TSPAN9: variants seen among roughly 807,000 people sequenced by gnomAD.
The protein encoded by TSPAN9 is tetraspanin-9.
A neutral mutation model predicts 31.0 loss-of-function variants in TSPAN9; 16 were observed. That is an observed-to-expected ratio of 0.52 (90% CI 0.35 to 0.78). TSPAN9 has a LOEUF of 0.78. TSPAN9 is among the 30% of genes least tolerant of loss of function. The probability of loss-of-function intolerance (pLI) is 0.01; values close to 1 mark genes in which losing one functional copy is unlikely to be tolerated. For synonymous variants in TSPAN9, 145 were observed against 121.6 expected (o/e 1.19, Z -1.27); for missense variants, 272 against 312.5 (o/e 0.87, Z 0.98).
intron 3 of TSPAN9, among the ~76,000 whole-genome samples, chr12:3,225,095 A>T (rs756903598): frequency 3.3e-5 from 5 of 152,158 alleles, no homozygotes; most frequent in Admixed American, 2.6e-4. Context: ...TGGAACAGAG[A>T]CAAAGAATCA....
At chr12:3,190,353 G>A (rs764030374) in intron 2 of TSPAN9, among the ~76,000 whole-genome samples, 10 of 152,222 alleles carry the variant, frequency 6.6e-5, no homozygotes, top group Non-Finnish European at 1.5e-4. Flanking sequence ...CCGTGTGCCC[G>A]GCGGTCTGCC....
rs150810254 is a variant in TSPAN9, at chr12:3,234,165, T to C, written c.63+32909T>C. ...TTAGCCAAGATCAGGGAAGGAAGAA[T>C]CAAGGCAGACTTTCACATTGGCCAT... On this transcript the variant is annotated intron_variant, in intron 3 of 8. Coordinates refer to ENST00000011898, the MANE Select transcript of TSPAN9 (RefSeq NM_006675.5). 3.6e-4 allele frequency among the ~76,000 whole-genome samples: 55 copies of C among 152,352 alleles called. No individual in the cohort carries two copies. The East Asian group carries it at 6.9e-3, about 19-fold the overall frequency.
rs529014353 is a variant in TSPAN9 at position 3,193,798 on chromosome 12, C to G, written c.-17-7379C>G. ...CTCCTGTCTCAGTCTTCTCTTTTTTCTACCTCAGATCTTTCCCACTTCTTC... is the reference window on the plus strand; with the variant it reads ...CTCCTGTCTCAGTCTTCTCTTTTTTGTACCTCAGATCTTTCCCACTTCTTC... On this transcript the variant is annotated intron_variant, in intron 2 of 8. Transcript: ENST00000011898. Among the ~76,000 whole-genome samples, 1,111 of 152,326 alleles carry G rather than the reference C, an allele frequency of 7.3e-3. 7 individuals are homozygous for G. The highest frequency in any genetic ancestry group is 0.04 in the South Asian group (194 of 4,830).
At chr12:3,212,935 A>G (rs770674326) in intron 3 of TSPAN9, among the ~76,000 whole-genome samples, 4 of 152,082 alleles carry the variant, frequency 2.6e-5, no homozygotes, top group Non-Finnish European at 5.9e-5. Flanking sequence ...GAGGATGCCT[A>G]TCCGGTGAAG....
intron 2 of TSPAN9, among the ~76,000 whole-genome samples, chr12:3,116,667 C>T (rs2098322609): frequency 6.6e-6 from 1 of 152,128 alleles, no homozygotes; most frequent in Non-Finnish European, 1.5e-5. Flanking sequence ...TGAGAACTGC[C>T]CCCTGCTGCT....
intron 2 of TSPAN9, chr12:3,150,007 G>A (rs372955567): frequency 1.3e-5 from 2 of 152,308 alleles, no homozygotes; most frequent in African/African-American, 2.4e-5. Context: ...CGCCCATGGC[G>A]TGCCAGACAC....
At chr12:3,078,959 C>T (rs973352890) in intron 1 of TSPAN9, among the ~76,000 whole-genome samples, 1 of 148,814 alleles carries the variant, frequency 6.7e-6, no homozygotes, top group African/African-American at 2.5e-5. Context: ...TTAATTCATA[C>T]GTAATCTTGT....
intron 3 of TSPAN9, among the ~76,000 whole-genome samples, chr12:3,211,014 G>C (rs1163563990): frequency 6.6e-6 from 1 of 152,158 alleles, no homozygotes; most frequent in Non-Finnish European, 1.5e-5. Flanking sequence ...CCAAAGTGCT[G>C]GGATTACAGA....
intron 3 of TSPAN9, 31 bp from the exon 4 acceptor site, chr12:3,278,390 G>T (rs773393961): frequency 3.7e-6 from 6 of 1,611,648 alleles, no homozygotes; most frequent in South Asian, 3.3e-5. Flanking sequence ...TGAGAGCAGC[G>T]CCAGGCTAAT....
At chr12:3,254,281 T>G (rs1862306360) in intron 3 of TSPAN9, among the ~76,000 whole-genome samples, 1 of 152,202 alleles carries the variant, frequency 6.6e-6, no homozygotes, top group Non-Finnish European at 1.5e-5. Flanking sequence ...TTCTGACCTT[T>G]TCAATGCTCA....
chr12:3,100,302 C>A (rs772835277), intron 2 of TSPAN9, among the ~76,000 whole-genome samples: 1 of 152,162 alleles, frequency 6.6e-6, no homozygotes, highest in African/African-American at 2.4e-5. Context: ...GGGTACTCTT[C>A]TCGAAGTCTC....
At chr12:3,230,212 T>G (rs2098389945) in intron 3 of TSPAN9, among the ~76,000 whole-genome samples, 1 of 152,146 alleles carries the variant, frequency 6.6e-6, no homozygotes, top group Non-Finnish European at 1.5e-5. Context: ...TGGAGATGCT[T>G]GGAAGGCCGG....
At chr12:3,212,392 G>A (rs1281640857) in intron 3 of TSPAN9, among the ~76,000 whole-genome samples, 1 of 151,916 alleles carries the variant, frequency 6.6e-6, no homozygotes, top group Non-Finnish European at 1.5e-5. Flanking sequence ...GTTTCATGAA[G>A]GTTTTATACA....
intron 2 of TSPAN9, among the ~76,000 whole-genome samples, chr12:3,124,498 C>T (rs904614272): frequency 2.0e-5 from 3 of 151,238 alleles, no homozygotes; most frequent in African/African-American, 4.9e-5. Flanking sequence ...GGCTTGATCT[C>T]GTGGGTTCAA....
chr12:3,131,250 T>C (rs1276243893), intron 2 of TSPAN9, among the ~76,000 whole-genome samples: 1 of 106,406 alleles, frequency 9.4e-6, no homozygotes, highest in Non-Finnish European at 2.3e-5. Flanking sequence ...TTGCAGTTTT[T>C]ACCCAGGCAC....
chr12:3,254,954 C>T (rs542508630), intron 3 of TSPAN9, among the ~76,000 whole-genome samples: 6 of 152,256 alleles, frequency 3.9e-5, no homozygotes, highest in Admixed American at 6.5e-5. Context: ...TTGTATTTGT[C>T]GGTTTCCAGG....
intron 2 of TSPAN9, chr12:3,173,521 T>G (rs1217314602): frequency 1.3e-5 from 2 of 152,254 alleles, no homozygotes; most frequent in Non-Finnish European, 2.9e-5. Flanking sequence ...TATTTTTTTA[T>G]TTTTAGAGAT....
At chr12:3,251,032 C>T (rs1028033877) in intron 3 of TSPAN9, among the ~76,000 whole-genome samples, 1 of 152,214 alleles carries the variant, frequency 6.6e-6, no homozygotes, top group Non-Finnish European at 1.5e-5. Flanking sequence ...CCCCCTACCC[C>T]TGTGTTTTGG....
At chr12:3,209,684 G>A (rs1375180082) in intron 3 of TSPAN9, among the ~76,000 whole-genome samples, 4 of 152,144 alleles carry the variant, frequency 2.6e-5, no homozygotes, top group African/African-American at 7.2e-5. Flanking sequence ...CGTGGGCCGG[G>A]CGCGGTGGCT....
Sources: gnomAD v4.1 joint callset for allele counts (sites outside exome capture counted in the v4.1 genomes callset) on GRCh38, gnomAD v4.1.1 for gene constraint, MANE v1.5 for transcripts, NCBI Gene and HGNC (gene_info 2026-07-23, HGNC 2026-07-21) for gene names.